Variants in CYP39A1 observed in about 807,000 individuals in gnomAD.
CYP39A1 encodes 24-hydroxycholesterol 7-alpha-hydroxylase.
A neutral mutation model predicts 58.1 loss-of-function variants in CYP39A1; 49 were observed. The ratio of observed to expected loss-of-function variants is 0.84; its 90% CI spans 0.67 to 1.07. The LOEUF is 1.07. CYP39A1 is among the 50% of genes least tolerant of loss of function. The probability of loss-of-function intolerance (pLI) is 0.00; values close to 1 mark genes in which losing one functional copy is unlikely to be tolerated. For missense variants in CYP39A1, 531 were observed against 539.4 expected (o/e 0.98, Z 0.16); for synonymous variants, 209 against 187.6 (o/e 1.11, Z -0.93).
At chr6:46,585,901 T>C (rs1479177116) in intron 10 of CYP39A1, among the ~76,000 whole-genome samples, 3 of 152,090 alleles carry the variant, frequency 2.0e-5, no homozygotes, top group Non-Finnish European at 4.4e-5. Flanking sequence ...GCTGCATGCT[T>C]CCTTGTTCAT....
At chr6:46,624,681 T>C (rs9463226) in intron 7 of CYP39A1, among the ~76,000 whole-genome samples, 18,943 of 152,184 alleles carry the variant, frequency 0.12, 1,234 homozygotes, top group Middle Eastern at 0.19. Flanking sequence ...GAAAACCCTA[T>C]CATTTCTTAT....
At position 46,605,004 on chromosome 6, in the gene CYP39A1, TA is replaced by T. The variant is rs768355971; in HGVS notation, c.932-8885del. 4.3e-3 allele frequency among the ~76,000 whole-genome samples: 598 copies of T among 137,806 alleles called. 1 individual carries two copies. The highest frequency in any genetic ancestry group is 4.6e-3 in the Admixed American group (63 of 13,810). The allele number at this position is 137,806 out of a possible 152,430, so 90.4% of individuals were successfully genotyped here. Reference sequence around the variant, plus strand: ...TAACACTAACAATAGCTGATGAGCTTAAAAAAAAAAAAAAGGTCCATGCAAA... The same window carrying T: ...TAACACTAACAATAGCTGATGAGCTTAAAAAAAAAAAAAGGTCCATGCAAA... On this transcript the variant is annotated intron_variant, in intron 7 of 11. Coordinates refer to ENST00000275016, the MANE Select transcript of CYP39A1 (RefSeq NM_016593.5).
chr6:46,575,434 T>G (rs1771799504), intron 10 of CYP39A1, among the ~76,000 whole-genome samples: 1 of 152,190 alleles, frequency 6.6e-6, no homozygotes, highest in Admixed American at 6.5e-5. Flanking sequence ...TGCAACCACA[T>G]GCAGCCCAGC....
In CYP39A1 at chr6:46,616,311, G is replaced by A. The variant is rs73469161; in HGVS notation, c.931+9107C>T. ...CTTGCTCTGTTGCCCAGCCTGGAGT[G>A]CAATGGAGCAAACTTAGCTCACTGC... On this transcript the variant is annotated intron_variant, in intron 7 of 11. Coordinates refer to ENST00000275016, the MANE Select transcript of CYP39A1 (RefSeq NM_016593.5). Among the ~76,000 whole-genome samples the A allele has an allele frequency of 1.8e-3, 248 of 141,634 alleles. 5 individuals are homozygous for A. Among genetic ancestry groups the A allele is most frequent in the African/African-American group, 6.2e-3 (231 of 37,120 alleles). The allele number at this position is 141,634 out of a possible 152,430, so 92.9% of individuals were successfully genotyped here.
At chr6:46,551,439 G>T (rs760437657) in intron 11 of CYP39A1, among the ~76,000 whole-genome samples, 5 of 150,366 alleles carry the variant, frequency 3.3e-5, no homozygotes, top group Non-Finnish European at 4.4e-5. Flanking sequence ...GCTTGCTTTT[G>T]CAAGAGAATT....
chr6:46,588,525 G>T (rs1460770991), intron 8 of CYP39A1, among the ~76,000 whole-genome samples: 1 of 152,014 alleles, frequency 6.6e-6, no homozygotes, highest in Non-Finnish European at 1.5e-5. Context: ...GTTCTTGAAG[G>T]CAGAAACTAC....
chr6:46,550,350 T>G lies in CYP39A1; in HGVS notation c.*16A>C, dbSNP rs772390273. The stretch of plus-strand genomic sequence containing the variant: ...CTCCTCCAGAAGGCCCTGGTCCTTG[T>G]GAGGCCCAACAGATGTCATATTCTT... On this transcript the variant is annotated 3_prime_UTR_variant, in exon 12 of 12. Coordinates refer to ENST00000275016, the MANE Select transcript of CYP39A1 (RefSeq NM_016593.5). 2 of 1,610,766 alleles carry G rather than the reference T, an allele frequency of 1.2e-6. No individual in the cohort carries two copies. The highest frequency in any genetic ancestry group is 3.4e-5 in the Admixed American group (2 of 59,580).
At chr6:46,643,769 C>T (rs984453587) in intron 1 of CYP39A1, among the ~76,000 whole-genome samples, 1 of 152,146 alleles carries the variant, frequency 6.6e-6, no homozygotes, top group Admixed American at 6.5e-5. Flanking sequence ...AATTATGCAA[C>T]AGGGTTTTGT....
At chr6:46,616,178 T>TATCC (rs1561994021) in intron 7 of CYP39A1, among the ~76,000 whole-genome samples, 22 of 34,894 alleles carry the variant, frequency 6.3e-4, no homozygotes, top group South Asian at 2.0e-3. Flanking sequence ...TTTCTTTCTT[T>TATCC]CTTTCTTTCT....
chr6:46,621,931 C>G (rs1315670083), intron 7 of CYP39A1, among the ~76,000 whole-genome samples: 1 of 152,066 alleles, frequency 6.6e-6, no homozygotes, highest in Non-Finnish European at 1.5e-5. Flanking sequence ...CAAACTGAAT[C>G]TAGCAACATA....
At chr6:46,590,911 A>C (rs1406261023) in intron 8 of CYP39A1, among the ~76,000 whole-genome samples, 1 of 152,202 alleles carries the variant, frequency 6.6e-6, no homozygotes, top group Non-Finnish European at 1.5e-5. Flanking sequence ...TACATTAAAC[A>C]ATAATTAATG....
At chr6:46,560,131 C>T (rs147747947) in intron 10 of CYP39A1, among the ~76,000 whole-genome samples, 66 of 151,958 alleles carry the variant, frequency 4.3e-4, no homozygotes, top group African/African-American at 1.6e-3. Flanking sequence ...ATAAAAGGTG[C>T]AAAAATCCAG....
chr6:46,553,680 T>A, intron 11 of CYP39A1, 87 bp downstream of exon 11: 2 of 843,674 alleles, frequency 2.4e-6, no homozygotes, highest in Non-Finnish European at 4.0e-6. Flanking sequence ...TGTCAGCTCA[T>A]CTCTAGTAAT....
At chr6:46,635,721 ATT>A (rs1775945564) in intron 5 of CYP39A1, among the ~76,000 whole-genome samples, 1 of 151,980 alleles carries the variant, frequency 6.6e-6, no homozygotes, top group South Asian at 2.1e-4. Context: ...TGCCTGGCTA[ATT>A]TTTTATATAT....
intron 10 of CYP39A1, among the ~76,000 whole-genome samples, chr6:46,565,685 T>G (rs1771237127): frequency 6.6e-6 from 1 of 152,092 alleles, no homozygotes; most frequent in Non-Finnish European, 1.5e-5. Context: ...AGGGATTAAG[T>G]GCTTGGACCA....
At chr6:46,571,307 G>A (rs1771574715) in intron 10 of CYP39A1, among the ~76,000 whole-genome samples, 1 of 152,034 alleles carries the variant, frequency 6.6e-6, no homozygotes, top group Admixed American at 6.6e-5. Context: ...TCTCTCTATT[G>A]TTGAAAGTGG....
Position 46,588,043 on chromosome 6 carries a change from C to T in CYP39A1, c.1152G>A (p.Leu384=), listed in dbSNP as rs200323103. The T allele has an allele frequency of 6.4e-7, 1 of 1,568,294 alleles. No homozygotes were observed. The highest frequency in any genetic ancestry group is 8.7e-7 in the Non-Finnish European group (1 of 1,151,584). Residue 384 remains leucine (L), a synonymous_variant, in exon 9 of 12, where the codon TTG becomes TTA. Coordinates refer to ENST00000275016, the MANE Select transcript of CYP39A1 (RefSeq NM_016593.5). ...RNPKYFPEPE[L]FKPERWKKAN... is the part of the protein sequence containing the mutation. The stretch of plus-strand genomic sequence containing the variant: ...GAAAGAGATAACTTACAGGTTTGAA[C>T]AATTCAGGCTCAGGAAAATACTTTG...
intron 7 of CYP39A1, among the ~76,000 whole-genome samples, chr6:46,600,843 G>C (rs1773449594): frequency 6.6e-6 from 1 of 152,126 alleles, no homozygotes; most frequent in African/African-American, 2.4e-5. Flanking sequence ...GTGTTTCCCT[G>C]AGTTCTGTGA....
chr6:46,550,445 C>T lies in CYP39A1; in HGVS notation c.1339-8G>A. 2 of 1,607,210 alleles carry T rather than the reference C, an allele frequency of 1.2e-6. No homozygotes were observed. Among genetic ancestry groups the T allele is most frequent in the Non-Finnish European group, 1.7e-6 (2 of 1,176,214 alleles). On this transcript the variant is annotated splice_polypyrimidine_tract_variant and splice_region_variant and intron_variant, in intron 11 of 11. Coordinates refer to ENST00000275016, the MANE Select transcript of CYP39A1 (RefSeq NM_016593.5). ...CACCAAATGGAGATAACTCTAAAAA[C>T]AGAAATGCAGAAGAAATAGAAATTA...
Sources: gnomAD v4.1 joint callset for allele counts (sites outside exome capture counted in the v4.1 genomes callset) on GRCh38, gnomAD v4.1.1 for gene constraint, MANE v1.5 for transcripts, NCBI Gene and HGNC (gene_info 2026-07-23, HGNC 2026-07-21) for gene names.